TANC2: variants seen among roughly 807,000 people sequenced by gnomAD.
The protein encoded by TANC2 is protein TANC2.
TANC2 carries 26 observed loss-of-function variants against 210.5 expected under a neutral mutation model. The ratio of observed to expected loss-of-function variants is 0.12; its 90% CI spans 0.09 to 0.17. The LOEUF is 0.17. TANC2 is among the 10% of genes least tolerant of loss of function. TANC2 has a pLI of 1.00. For synonymous variants in TANC2, 931 were observed against 967.1 expected (o/e 0.96, Z 0.69); for missense variants, 2,129 against 2,608.9 (o/e 0.82, Z 4.01).
chr17:63,150,216 G>A (rs1160212097), intron 4 of TANC2: 2 of 152,078 alleles, frequency 1.3e-5, no homozygotes, highest in Admixed American at 1.3e-4. Flanking sequence ...CACATGTCTT[G>A]GCCACCTATG....
Position 63,211,167 on chromosome 17 carries a change from C to T in TANC2, c.769+10210C>T, listed in dbSNP as rs573253321. Among the ~76,000 whole-genome samples, 15 of 152,218 alleles carry T rather than the reference C, an allele frequency of 9.9e-5. No individual in the cohort carries two copies. The South Asian group carries it at 3.1e-3, about 32-fold the overall frequency. On this transcript the variant is annotated intron_variant, in intron 7 of 27. Coordinates refer to ENST00000689528, the Ensembl canonical transcript of TANC2. ...CAACCAAAGTAAATTAATTGAAAAT[C>T]AATTACTCATTTGACTCCCGGTTAC...
chr17:63,266,110 A>G (rs1189756511), intron 8 of TANC2, among the ~76,000 whole-genome samples: 4 of 152,164 alleles, frequency 2.6e-5, no homozygotes, highest in African/African-American at 9.6e-5. Context: ...GGCATAAGCT[A>G]TACAACTACA....
At chr17:63,119,475 G>T (rs1040228839) in intron 4 of TANC2, among the ~76,000 whole-genome samples, 4 of 152,244 alleles carry the variant, frequency 2.6e-5, no homozygotes, top group African/African-American at 9.6e-5. Flanking sequence ...TTAATCATTT[G>T]TATTAACAGT....
At chr17:63,034,857 A>C (rs1445777667) in intron 2 of TANC2, among the ~76,000 whole-genome samples, 1 of 152,202 alleles carries the variant, frequency 6.6e-6, no homozygotes, top group African/African-American at 2.4e-5. Flanking sequence ...GTGCAGAGAA[A>C]GTGGTTTCTT....
rs770762544 is a variant in TANC2 at position 63,420,832 on chromosome 17, A to C, written c.5102A>C (p.Gln1701Pro). The change falls in exon 28 of 28, where the codon CAG (glutamine) becomes CCG (proline). Residue 1701 changes from glutamine to proline, a missense_variant. This residue lies in a region of TANC2 where 584 missense variants were observed against 627.3 expected (regional missense o/e 0.93). Coordinates refer to ENST00000689528, the Ensembl canonical transcript of TANC2. The surrounding 1 kb of genome is among the most constrained non-coding windows in gnomAD (Gnocchi z 4.2). ...AAGGCCCAGATTGTGAGAAGTAACC[A>C]GCCCAGCCCAGCCGTCCATTCAAGC... The C allele has an allele frequency of 6.2e-7, 1 of 1,613,862 alleles. No homozygotes were observed. The highest frequency in any genetic ancestry group is 2.2e-5 in the East Asian group (1 of 44,852).
At chr17:63,043,256 C>G (rs886353283) in intron 2 of TANC2, among the ~76,000 whole-genome samples, 1 of 152,090 alleles carries the variant, frequency 6.6e-6, no homozygotes, top group African/African-American at 2.4e-5. Context: ...GTTATTGCCA[C>G]TTCTCTAGCA....
chr17:63,101,613 G>A (rs1163640410), intron 4 of TANC2, among the ~76,000 whole-genome samples: 1 of 152,198 alleles, frequency 6.6e-6, no homozygotes, highest in African/African-American at 2.4e-5. Context: ...ATATGATAGA[G>A]TGGTGAAAAG....
intron 4 of TANC2, among the ~76,000 whole-genome samples, chr17:63,114,168 A>G (rs879154806): frequency 6.6e-6 from 1 of 152,204 alleles, no homozygotes; most frequent in Non-Finnish European, 1.5e-5. Flanking sequence ...AAATGTTACA[A>G]TTATCATTTA....
intron 2 of TANC2, among the ~76,000 whole-genome samples, chr17:63,061,224 G>A (rs1297946222): frequency 2.0e-5 from 3 of 151,954 alleles, no homozygotes; most frequent in Admixed American, 6.6e-5. Context: ...AAAATTAGCC[G>A]GGCGTGGTGG....
intron 9 of TANC2, among the ~76,000 whole-genome samples, chr17:63,277,518 C>T (rs2043917386): frequency 1.1e-5 from 1 of 88,652 alleles, no homozygotes; most frequent in Admixed American, 9.0e-5. Context: ...ATTTCTCTGT[C>T]TTAAGTTATC....
intron 9 of TANC2, among the ~76,000 whole-genome samples, chr17:63,298,912 C>T (rs1445749295): frequency 6.6e-6 from 1 of 152,100 alleles, no homozygotes; most frequent in Admixed American, 6.6e-5. Flanking sequence ...TAATGCTCTT[C>T]CTCCCCTTGC....
chr17:63,109,746 T>C lies in TANC2; in HGVS notation c.322+10389T>C, dbSNP rs145339379. On this transcript the variant is annotated intron_variant, in intron 4 of 27. Coordinates refer to ENST00000689528, the Ensembl canonical transcript of TANC2. ...GTCTCTGTGTGAACACTTTCAGTGA[T>C]AGTGAGCTTTCTTCTTTGTAACATA... 2.8e-3 allele frequency among the ~76,000 whole-genome samples: 432 copies of C among 151,948 alleles called. 20 individuals carry two copies. Among genetic ancestry groups the C allele is most frequent in the African/African-American group, 0.01 (413 of 41,186 alleles).
intron 14 of TANC2, among the ~76,000 whole-genome samples, chr17:63,372,969 G>A (rs1186773483): frequency 7.6e-6 from 1 of 131,540 alleles, no homozygotes; most frequent in African/African-American, 3.0e-5. Flanking sequence ...ATCACAATTT[G>A]CTGCAGCCTC....
chr17:63,190,346 GAA>G (rs10709454), intron 5 of TANC2, among the ~76,000 whole-genome samples: 1 of 151,242 alleles, frequency 6.6e-6, no homozygotes, highest in Non-Finnish European at 1.5e-5. Flanking sequence ...TCCTAGAAAA[GAA>G]AAAAAAAGAT....
At chr17:63,182,365 A>C (rs1291217633) in intron 5 of TANC2, 1 of 230,600 alleles carries the variant, frequency 4.3e-6, no homozygotes, top group African/African-American at 2.3e-5. Context: ...AAAATGGGAC[A>C]TCTGTGACAA....
intron 4 of TANC2, among the ~76,000 whole-genome samples, chr17:63,108,272 A>G (rs532221590): frequency 6.6e-6 from 1 of 151,926 alleles, no homozygotes; most frequent in South Asian, 2.1e-4. Flanking sequence ...AGAATTGCTA[A>G]AATACTTGGA....
At chr17:63,188,634 AGT>A (rs1400033562) in intron 5 of TANC2, among the ~76,000 whole-genome samples, 4 of 151,514 alleles carry the variant, frequency 2.6e-5, no homozygotes, top group Admixed American at 2.0e-4. Context: ...TTTGTAGTCT[AGT>A]TAATTGTATT....
chr17:63,237,430 G>C (rs888608820), intron 7 of TANC2, among the ~76,000 whole-genome samples: 32 of 152,034 alleles, frequency 2.1e-4, no homozygotes, highest in Non-Finnish European at 4.4e-5. Flanking sequence ...TTTTCACTCT[G>C]CTGATTATTT....
intron 2 of TANC2, among the ~76,000 whole-genome samples, chr17:63,043,440 T>A (rs779060265): frequency 6.6e-6 from 1 of 152,138 alleles, no homozygotes; most frequent in Non-Finnish European, 1.5e-5. Flanking sequence ...GATTTAATTT[T>A]CACAACCTTG....
Sources: allele counts gnomAD v4.1 joint callset (sites outside exome capture counted in the v4.1 genomes callset), GRCh38; gene constraint gnomAD v4.1.1; regional missense constraint gnomAD v4.1.1; non-coding constraint Gnocchi (gnomAD v3.1); transcripts MANE v1.5; gene names NCBI Gene and HGNC (gene_info 2026-07-23, HGNC 2026-07-21).